The following ANKRD30BL variants were observed in gnomAD, a reference collection of about 807,000 sequenced individuals.
ANKRD30BL encodes the protein putative ankyrin repeat domain-containing protein 30B-like.
A neutral mutation model predicts 18.4 loss-of-function variants in ANKRD30BL; 20 were observed. That is an observed-to-expected ratio of 1.09 (90% CI 0.77 to 1.58). ANKRD30BL has a LOEUF of 1.58. Among genes scored for constraint, ANKRD30BL ranks in the 40% most tolerant of loss-of-function variants. The probability of loss-of-function intolerance (pLI) is 0.00; values close to 1 mark genes in which losing one functional copy is unlikely to be tolerated. For synonymous variants in ANKRD30BL, 72 were observed against 100.9 expected (o/e 0.71, Z 1.72); for missense variants, 224 against 268.6 (o/e 0.83, Z 1.16).
At chr2:132,191,628 G>A (rs1678851632) in intron 1 of ANKRD30BL, among the ~76,000 whole-genome samples, 3 of 151,782 alleles carry the variant, frequency 2.0e-5, no homozygotes, top group Admixed American at 6.6e-5. Flanking sequence ...GGTTAATGAT[G>A]CATTTTTCAG....
intron 1 of ANKRD30BL, among the ~76,000 whole-genome samples, chr2:132,214,378 G>C (rs1573850039): frequency 6.6e-6 from 1 of 151,958 alleles, no homozygotes; most frequent in African/African-American, 2.4e-5. Flanking sequence ...TTTGTGATCT[G>C]TGCATTCGTC....
intron 3 of ANKRD30BL, 183 bp downstream of exon 3, chr2:132,156,790 T>C (rs2104925381): frequency 5.7e-6 from 2 of 353,290 alleles, no homozygotes; most frequent in Non-Finnish European, 1.0e-5. Flanking sequence ...AGAAAAGCCA[T>C]ACTAATAGTT....
rs543654285 is a variant in ANKRD30BL, at chr2:132,200,727, A to G, written n.442-43581T>C. On this transcript the variant is annotated intron_variant and non_coding_transcript_variant, in intron 1 of 4. Transcript: ENST00000470729. The stretch of plus-strand genomic sequence containing the variant: ...GAAAATGGCCATACTGCCCAAGGTA[A>G]TTTACACATTCAATGCCATCCCCAT... 2.9e-3 allele frequency among the ~76,000 whole-genome samples: 447 copies of G among 152,166 alleles called. 5 individuals are homozygous for G. The highest frequency in any genetic ancestry group is 0.01 in the African/African-American group (421 of 41,526).
At chr2:132,193,585 A>G (rs1261074671) in intron 1 of ANKRD30BL, among the ~76,000 whole-genome samples, 4 of 152,132 alleles carry the variant, frequency 2.6e-5, no homozygotes, top group African/African-American at 9.7e-5. Context: ...TTTGTATTAC[A>G]TACACTCTTC....
chr2:132,156,294 ATCATT>A (rs1687902896), intron 3 of ANKRD30BL: 1 of 152,016 alleles, frequency 6.6e-6, no homozygotes, highest in African/African-American at 2.4e-5. Flanking sequence ...AAGAAAAATC[ATCATT>A]TAAAAAATAT....
chr2:132,156,641 C>T (rs533723644), intron 3 of ANKRD30BL: 3 of 157,784 alleles, frequency 1.9e-5, no homozygotes, highest in African/African-American at 4.8e-5. Flanking sequence ...CTAAATTTTA[C>T]ATGTTGACTC....
intron 1 of ANKRD30BL, among the ~76,000 whole-genome samples, chr2:132,247,934 C>T (rs1015523931): frequency 6.6e-6 from 1 of 152,070 alleles, no homozygotes; most frequent in African/African-American, 2.4e-5. Flanking sequence ...AAGATATTTC[C>T]TATTTCACCT....
chr2:132,217,008 G>A (rs1195062913), intron 1 of ANKRD30BL, among the ~76,000 whole-genome samples: 2 of 151,916 alleles, frequency 1.3e-5, no homozygotes, highest in Non-Finnish European at 2.9e-5. Flanking sequence ...TCTTTTGATA[G>A]GGCAGGTTTG....
intron 1 of ANKRD30BL, among the ~76,000 whole-genome samples, chr2:132,185,820 T>C (rs1688551090): frequency 6.6e-6 from 1 of 152,136 alleles, no homozygotes; most frequent in Non-Finnish European, 1.5e-5. Flanking sequence ...CATGGATTAC[T>C]AGGAAAACTA....
chr2:132,191,087 T>C (rs71430480), intron 1 of ANKRD30BL, among the ~76,000 whole-genome samples: 2 of 152,202 alleles, frequency 1.3e-5, no homozygotes, highest in South Asian at 4.1e-4. Flanking sequence ...CAAAGGTTCT[T>C]TTGTACTCCT....
At chr2:132,209,068 T>G (rs1679267701) in intron 1 of ANKRD30BL, among the ~76,000 whole-genome samples, 1 of 150,136 alleles carries the variant, frequency 6.7e-6, no homozygotes, top group Non-Finnish European at 1.5e-5. Flanking sequence ...TGCATTAATC[T>G]CACAGAGTTG....
chr2:132,175,140 C>G (rs1688339397), intron 1 of ANKRD30BL, among the ~76,000 whole-genome samples: 1 of 152,212 alleles, frequency 6.6e-6, no homozygotes, highest in Non-Finnish European at 1.5e-5. Context: ...GCCCAGGGGA[C>G]TGGCGCTCAG....
intron 1 of ANKRD30BL, among the ~76,000 whole-genome samples, chr2:132,197,260 A>G (rs1022791110): frequency 2.0e-5 from 3 of 152,246 alleles, no homozygotes; most frequent in African/African-American, 4.8e-5. Context: ...ATCCAGACAC[A>G]TTGAGGACTC....
intron 1 of ANKRD30BL, among the ~76,000 whole-genome samples, chr2:132,198,771 C>T (rs954996814): frequency 6.6e-6 from 1 of 152,068 alleles, no homozygotes; most frequent in Non-Finnish European, 1.5e-5. Flanking sequence ...GCGCCCACCA[C>T]CATGCACAGC....
chr2:132,237,927 A>G (rs1680206218), intron 1 of ANKRD30BL, among the ~76,000 whole-genome samples: 1 of 151,808 alleles, frequency 6.6e-6, no homozygotes, highest in Non-Finnish European at 1.5e-5. Flanking sequence ...ATATTTGGAT[A>G]GCTTTAAGGC....
At chr2:132,256,337 C>T (rs796311024) in intron 1 of ANKRD30BL, among the ~76,000 whole-genome samples, 22 of 151,012 alleles carry the variant, frequency 1.5e-4, no homozygotes, top group Admixed American at 9.9e-4. Flanking sequence ...GGCGGCGAAC[C>T]GGACATCCCA....
chr2:132,192,801 A>G (rs988004633), intron 1 of ANKRD30BL, among the ~76,000 whole-genome samples: 4 of 152,220 alleles, frequency 2.6e-5, no homozygotes, highest in Non-Finnish European at 5.9e-5. Context: ...CTATGCAAGA[A>G]TGACTCTGAA....
intron 1 of ANKRD30BL, among the ~76,000 whole-genome samples, chr2:132,233,626 G>C (rs1449235697): frequency 1.2e-4 from 18 of 151,136 alleles, no homozygotes; most frequent in Non-Finnish European, 2.4e-4. Context: ...AATTCAACAA[G>C]AAGAGCTAAC....
intron 1 of ANKRD30BL, among the ~76,000 whole-genome samples, chr2:132,254,147 G>A (rs532824795): frequency 7.9e-5 from 12 of 151,338 alleles, no homozygotes; most frequent in South Asian, 4.2e-4. Context: ...CCCGCCCCAC[G>A]ACACGCACAC....
Sources: allele counts gnomAD v4.1 joint callset (sites outside exome capture counted in the v4.1 genomes callset), GRCh38; gene constraint gnomAD v4.1.1; transcripts MANE v1.5; gene names NCBI Gene and HGNC (gene_info 2026-07-23, HGNC 2026-07-21).